Variants in KIAA0232 observed in about 807,000 individuals in gnomAD.
KIAA0232 encodes the protein KIAA0232.
In KIAA0232, 27 loss-of-function variants were observed where a neutral mutation model predicts 122.0. The observed-to-expected ratio is 0.22, with a 90% confidence interval of 0.16 to 0.31. The LOEUF is 0.31. Among genes scored for constraint, KIAA0232 ranks in the 10% least tolerant of loss-of-function variants. The probability of loss-of-function intolerance (pLI) is 1.00; values close to 1 mark genes in which losing one functional copy is unlikely to be tolerated. For missense variants in KIAA0232, 1,551 were observed against 1,634.2 expected (o/e 0.95, Z 0.88); for synonymous variants, 613 against 587.6 (o/e 1.04, Z -0.63).
At chr4:6,829,037 C>T (rs931755715) in intron 3 of KIAA0232, among the ~76,000 whole-genome samples, 1 of 151,902 alleles carries the variant, frequency 6.6e-6, no homozygotes, top group Admixed American at 6.6e-5. Flanking sequence ...GCCACATCTC[C>T]TTAATCTCCT....
At position 6,855,756 on chromosome 4, in the gene KIAA0232, G is replaced by C. The variant is rs1720536678; in HGVS notation, c.370-1408G>C. ...AGAGGTTCAGTGTTCTGCATTGCGA[G>C]ACTAGCCCTAGGTTTAGAAACCTAG... On this transcript the variant is annotated intron_variant, in intron 4 of 9. Coordinates refer to ENST00000307659, the MANE Select transcript of KIAA0232 (RefSeq NM_014743.3). This position sits in a 1 kb window ranked among gnomAD's most constrained non-coding sequence, Gnocchi z 4.3. The C allele has an allele frequency of 4.5e-6, 3 of 665,880 alleles. No individual in the cohort carries two copies. The highest frequency in any genetic ancestry group is 5.6e-6 in the Non-Finnish European group (3 of 538,088). 41.2% of individuals were successfully genotyped at this position (665,880 alleles called of 1,614,324 possible).
chr4:6,784,937 ATTT>A (rs10563839), intron 1 of KIAA0232, among the ~76,000 whole-genome samples: 248 of 135,494 alleles, frequency 1.8e-3, no homozygotes, highest in African/African-American at 6.3e-3. Flanking sequence ...GATCAGATGA[ATTT>A]TTTTTTTTTT....
At chr4:6,836,528 C>CTTTTTTTTTTTTTTTTTTTTTTTTTT (rs1323217192) in intron 3 of KIAA0232, among the ~76,000 whole-genome samples, 1 of 95,700 alleles carries the variant, frequency 1.0e-5, no homozygotes, top group Non-Finnish European at 2.3e-5. Context: ...TGTCCTTTTT[C>CTTTTTTTTTTTTTTTTTTTTTTTTTT]TTTTTTTTTT....
Position 6,861,209 on chromosome 4 carries a change from G to A in KIAA0232, c.827G>A (p.Arg276Gln), listed in dbSNP as rs755923600. The stretch of plus-strand genomic sequence containing the variant: ...CCTGCTTTGTACAAAAAGCAAATCC[G>A]ACATAAACCTGAAGGAAAGATTCGC... ...EKPALYKKQIRHKPEGKIRPR... is the reference protein window; with the variant it reads ...EKPALYKKQIQHKPEGKIRPR... Residue 276 changes from arginine (R) to glutamine (Q), a missense_variant, in exon 7 of 10, where the codon CGA (arginine) becomes CAA (glutamine). Physicochemically the swap from Arg to Gln is conservative, Grantham distance 43. This residue lies in a region of KIAA0232 where 377 missense variants were observed against 381.7 expected (regional missense o/e 0.99). Coordinates refer to ENST00000307659, the MANE Select transcript of KIAA0232 (RefSeq NM_014743.3). 1.1e-5 allele frequency: 18 copies of A among 1,614,114 alleles called. No homozygotes were observed. In the South Asian group the frequency reaches 1.3e-4, roughly 12 times the overall value.
chr4:6,818,393 C>G (rs1188005009), intron 2 of KIAA0232, among the ~76,000 whole-genome samples: 1 of 139,472 alleles, frequency 7.2e-6, no homozygotes, highest in Non-Finnish European at 1.6e-5. Flanking sequence ...GAGCAAGACT[C>G]CGTCTCAAAA....
At chr4:6,872,162 AT>A (rs1484949480) in intron 8 of KIAA0232, among the ~76,000 whole-genome samples, 3 of 152,170 alleles carry the variant, frequency 2.0e-5, no homozygotes, top group African/African-American at 7.2e-5. Context: ...CGTTGACAGG[AT>A]TTAAATTGGA....
chr4:6,831,353 C>T (rs1308793146), intron 3 of KIAA0232, among the ~76,000 whole-genome samples: 1 of 152,174 alleles, frequency 6.6e-6, no homozygotes, highest in Non-Finnish European at 1.5e-5. Context: ...CACACCTGGC[C>T]GATTTTGTTG....
At chr4:6,803,206 T>C (rs1248527164) in intron 1 of KIAA0232, among the ~76,000 whole-genome samples, 4 of 50,758 alleles carry the variant, frequency 7.9e-5, no homozygotes, top group African/African-American at 2.4e-4. Flanking sequence ...AATGAGTGCA[T>C]ATATATATAT....
intron 4 of KIAA0232, among the ~76,000 whole-genome samples, chr4:6,845,871 G>A (rs1311638603): frequency 6.6e-6 from 1 of 152,180 alleles, no homozygotes; most frequent in Non-Finnish European, 1.5e-5. Flanking sequence ...GTAGCTTGTT[G>A]AATTTGCGTG....
intron 1 of KIAA0232, among the ~76,000 whole-genome samples, chr4:6,797,927 G>A (rs962283142): frequency 4.0e-5 from 6 of 151,728 alleles, no homozygotes; most frequent in East Asian, 1.9e-4. Flanking sequence ...GCACAGTGGC[G>A]GGCGCCTGTA....
intron 1 of KIAA0232, among the ~76,000 whole-genome samples, chr4:6,791,262 T>C (rs908165046): frequency 2.0e-5 from 3 of 151,646 alleles, no homozygotes; most frequent in African/African-American, 2.4e-5. Flanking sequence ...TGTTAAAGTA[T>C]GTGTTTTGTA....
intron 1 of KIAA0232, among the ~76,000 whole-genome samples, chr4:6,783,054 G>A (rs1200225161): frequency 6.6e-6 from 1 of 151,426 alleles, no homozygotes; most frequent in African/African-American, 2.4e-5. Context: ...AGCCGCCGCC[G>A]AGGGCTCCGG....
chr4:6,844,140 C>T (rs1231157223), intron 4 of KIAA0232, among the ~76,000 whole-genome samples: 1 of 151,528 alleles, frequency 6.6e-6, no homozygotes, highest in Non-Finnish European at 1.5e-5. Flanking sequence ...TGGGGTATCA[C>T]CGTGTTAGCC....
chr4:6,844,391 C>T lies in KIAA0232; in HGVS notation c.369+2187C>T, dbSNP rs75914380. Among the ~76,000 whole-genome samples the T allele has an allele frequency of 3.7e-3, 560 of 152,162 alleles. 2 individuals carry two copies. Among genetic ancestry groups the T allele is most frequent in the Middle Eastern group, 6.8e-3 (2 of 294 alleles). On this transcript the variant is annotated intron_variant, in intron 4 of 9. Coordinates refer to ENST00000307659, the MANE Select transcript of KIAA0232 (RefSeq NM_014743.3). ...TTTTTCTCTTCCCAGCTGTTTTCTT[C>T]TCCCCCACCTCTGATTTTTTAACTT...
chr4:6,842,242 A>C (rs773267456), intron 4 of KIAA0232, 38 bp downstream of exon 4: 122 of 1,547,194 alleles, frequency 7.9e-5, no homozygotes, highest in Non-Finnish European at 1.0e-4. Context: ...TAAGAGAATA[A>C]AAGAAGGGGT....
chr4:6,812,700 C>G (rs142613511), intron 2 of KIAA0232, among the ~76,000 whole-genome samples: 18 of 152,190 alleles, frequency 1.2e-4, no homozygotes, highest in African/African-American at 3.9e-4. Flanking sequence ...TATATATCGG[C>G]AAGTGAATAT....
At chr4:6,843,583 A>C (rs1162041323) in intron 4 of KIAA0232, among the ~76,000 whole-genome samples, 1 of 152,176 alleles carries the variant, frequency 6.6e-6, no homozygotes, top group Non-Finnish European at 1.5e-5. Context: ...AGCCTGGTCC[A>C]ACATAGTGAA....
At position 6,862,754 on chromosome 4, in the gene KIAA0232, T is replaced by C; in HGVS notation, c.2372T>C (p.Val791Ala). The change falls in exon 7 of 10, where the codon GTC becomes GCC. Residue 791 changes from valine (V) to alanine (A), a missense_variant. Physicochemically the swap from Val to Ala is moderately conservative, Grantham distance 64. This residue lies in a region of KIAA0232 where 1,108 missense variants were observed against 1,154.8 expected (regional missense o/e 0.96). Transcript: ENST00000307659. ...VFKKTSKLES[V>A]CGIQLEQKTE... is the part of the protein sequence containing the mutation. ...AAAAAAACATCTAAACTAGAATCCG[T>C]CTGTGGTATTCAGCTAGAACAAAAA... 6.2e-7 allele frequency: 1 copy of C among 1,613,734 alleles called. No individual in the cohort carries two copies. Among genetic ancestry groups the C allele is most frequent in the South Asian group, 1.1e-5 (1 of 90,910 alleles).
At chr4:6,819,638 A>G (rs1718326002) in intron 2 of KIAA0232, among the ~76,000 whole-genome samples, 1 of 152,204 alleles carries the variant, frequency 6.6e-6, no homozygotes, top group Non-Finnish European at 1.5e-5. Flanking sequence ...GGGAACACTC[A>G]TGCACTGTTG....
Sources: gnomAD v4.1 joint callset for allele counts (sites outside exome capture counted in the v4.1 genomes callset) on GRCh38, gnomAD v4.1.1 for gene constraint, gnomAD v4.1.1 regional missense constraint, Gnocchi (gnomAD v3.1) non-coding constraint, MANE v1.5 for transcripts, NCBI Gene and HGNC (gene_info 2026-07-23, HGNC 2026-07-21) for gene names.